The following NDUFA13 variants were observed in gnomAD, a reference collection of about 807,000 sequenced individuals.
The protein encoded by NDUFA13 is NADH dehydrogenase [ubiquinone] 1 alpha subcomplex subunit 13.
NDUFA13 carries 16 observed loss-of-function variants against 17.0 expected under a neutral mutation model. The observed-to-expected ratio is 0.94, with a 90% CI of 0.64 to 1.43. The LOEUF (loss-of-function observed/expected upper bound fraction) is 1.43, where lower values mean the gene tolerates loss of function less well. Ranked by LOEUF, NDUFA13 falls within the 40% of genes most tolerant of loss-of-function variation. The pLI, the probability that NDUFA13 is intolerant of heterozygous loss-of-function variation, is 0.00. For synonymous variants in NDUFA13, 87 were observed against 78.4 expected (o/e 1.11, Z -0.58); for missense variants, 228 against 206.7 (o/e 1.10, Z -0.63).
intron 1 of NDUFA13, among the ~76,000 whole-genome samples, chr19:19,521,829 C>G (rs2061079448): frequency 6.6e-6 from 1 of 151,004 alleles, no homozygotes; most frequent in Non-Finnish European, 1.5e-5. Context: ...GTCTCGATCT[C>G]CTGACCTCGT....
In NDUFA13 at chr19:19,519,401, G is replaced by GC. The variant is rs558258921; in HGVS notation, c.94+3076dup. ...TCTCCCAGTTCACCACAGAGCAGTG[G>GC]CCCCCCCTGTGCCAGACAGTGCCCT... On this transcript the variant is annotated intron_variant, in intron 1 of 4. Coordinates refer to ENST00000507754, the MANE Select transcript of NDUFA13 (RefSeq NM_015965.7). Among the ~76,000 whole-genome samples the GC allele has an allele frequency of 1.3e-3, 201 of 152,106 alleles. 1 individual carries two copies. The highest frequency in any genetic ancestry group is 0.013 in the South Asian group (61 of 4,802).
chr19:19,525,891 C>T (rs2061097405), intron 1 of NDUFA13: 5 of 668,644 alleles, frequency 7.5e-6, no homozygotes, highest in South Asian at 1.9e-5. Flanking sequence ...CAGAACTGCC[C>T]TTCCACTTCA....
rs191913824 is a variant in NDUFA13, at chr19:19,519,925, C to T, written c.94+3593C>T. On this transcript the variant is annotated intron_variant, in intron 1 of 4. Transcript: ENST00000507754. ...CCTGGGTCAGCCATTCACTCACTGC[C>T]AGCGTCCCAGGACATGATGGGCTGG... is the stretch of plus-strand genomic sequence containing the variant. Among the ~76,000 whole-genome samples the T allele has an allele frequency of 2.6e-5, 4 of 152,164 alleles. No homozygotes were observed. The East Asian group carries it at 7.7e-4, about 29-fold the overall frequency.
Position 19,519,998 on chromosome 19 carries a change from A to G in NDUFA13, c.94+3666A>G, listed in dbSNP as rs1235692020. Reference sequence around the variant, plus strand: ...TTTTTTTTTTTTTTTTTTTTGAGACAGAGTCTTGTTCTGTCACTCAGGCTG... The same window carrying G: ...TTTTTTTTTTTTTTTTTTTTGAGACGGAGTCTTGTTCTGTCACTCAGGCTG... On this transcript the variant is annotated intron_variant, in intron 1 of 4. Transcript: ENST00000507754. Among the ~76,000 whole-genome samples the G allele has an allele frequency of 4.6e-5, 6 of 130,188 alleles. No individual in the cohort carries two copies. In the East Asian group the frequency reaches 1.4e-3, roughly 30 times the overall value. 85.4% of individuals were successfully genotyped at this position (130,188 alleles called of 152,430 possible). A position where few individuals can be genotyped will look rare whatever the true frequency, so the allele number is the denominator to read the frequency against.
At chr19:19,518,015 G>A (rs1297860621) in intron 1 of NDUFA13, among the ~76,000 whole-genome samples, 1 of 151,528 alleles carries the variant, frequency 6.6e-6, no homozygotes, top group Non-Finnish European at 1.5e-5. Context: ...GGTGGCTCAT[G>A]CCTGTAATCC....
chr19:19,520,212 C>T (rs944970541), intron 1 of NDUFA13, among the ~76,000 whole-genome samples: 4 of 152,118 alleles, frequency 2.6e-5, no homozygotes, highest in African/African-American at 7.2e-5. Context: ...CTATCTCCCA[C>T]ACCCAGTTCT....
At chr19:19,522,711 C>G (rs1252454494) in intron 1 of NDUFA13, among the ~76,000 whole-genome samples, 1 of 152,094 alleles carries the variant, frequency 6.6e-6, no homozygotes. Flanking sequence ...ATCTCCTGAC[C>G]TCGTGATCCG....
intron 1 of NDUFA13, among the ~76,000 whole-genome samples, chr19:19,524,239 T>C (rs2061090802): frequency 6.6e-6 from 1 of 152,256 alleles, no homozygotes; most frequent in Non-Finnish European, 1.5e-5. Context: ...CCCCTGTGGT[T>C]GGCGAGGAGG....
At position 19,526,278 on chromosome 19, in the gene NDUFA13, CGT is replaced by C. The variant is rs753526408; in HGVS notation, c.173+19_173+20del. The C allele has an allele frequency of 6.2e-7, 1 of 1,613,504 alleles. No homozygotes were observed. The highest frequency in any genetic ancestry group is 8.5e-7 in the Non-Finnish European group (1 of 1,179,706). ...GAGCGCAGGTAGGGCCCCTGGTGGG[CGT>C]TGTCTGAAAGTGCCCCCCCGGCGAG... On this transcript the variant is annotated intron_variant, in intron 2 of 4. Transcript: ENST00000507754.
chr19:19,521,845 G>A (rs1037490481), intron 1 of NDUFA13, among the ~76,000 whole-genome samples: 7 of 149,930 alleles, frequency 4.7e-5, no homozygotes, highest in Admixed American at 3.3e-4. Context: ...CTCGTGATCC[G>A]CCCGCCTCGG....
intron 2 of NDUFA13, 88 bp downstream of exon 2, chr19:19,526,348 A>T (rs1280360063): frequency 1.4e-6 from 2 of 1,455,588 alleles, no homozygotes; most frequent in African/African-American, 2.8e-5. Flanking sequence ...TGTGCTGGCG[A>T]GGGGTGAACG....
Position 19,516,264 on chromosome 19 carries a change from A to G in NDUFA13, c.26A>G (p.Asp9Gly), listed in dbSNP as rs776290429. ...ATGGCGGCGTCAAAGGTGAAGCAGG[A>G]CATGCCTCCGCCGGGGGGCTATGGG... The part of the protein sequence containing the change: MAASKVKQ[D>G]MPPPGGYGPI... Residue 9 changes from aspartate to glycine, a missense_variant, in exon 1 of 5, where the codon GAC (aspartate) becomes GGC (glycine). Asp to Gly is a moderately conservative substitution (Grantham distance 94). Coordinates refer to ENST00000507754, the MANE Select transcript of NDUFA13 (RefSeq NM_015965.7). 3.1e-6 allele frequency: 5 copies of G among 1,613,878 alleles called. No individual in the cohort carries two copies. Among genetic ancestry groups the G allele is most frequent in the South Asian group, 1.1e-5 (1 of 91,094 alleles).
chr19:19,523,222 T>C (rs892218223), intron 1 of NDUFA13, among the ~76,000 whole-genome samples: 1 of 152,248 alleles, frequency 6.6e-6, no homozygotes, highest in Non-Finnish European at 1.5e-5. Flanking sequence ...TTGCACAGCG[T>C]TGCCATCTGC....
intron 1 of NDUFA13, among the ~76,000 whole-genome samples, chr19:19,516,904 C>G (rs761585958): frequency 6.6e-6 from 1 of 152,168 alleles, no homozygotes; most frequent in South Asian, 2.1e-4. Flanking sequence ...TCTCTTGCCT[C>G]AGCCTCCTGA....
chr19:19,527,187 C>T, intron 2 of NDUFA13, 94 bp from the exon 3 acceptor site: 3 of 903,572 alleles, frequency 3.3e-6, no homozygotes, highest in South Asian at 2.7e-5. Flanking sequence ...TCCGCCTCTT[C>T]CCCCAGCAGC....
intron 1 of NDUFA13, among the ~76,000 whole-genome samples, chr19:19,524,111 C>G (rs752030524): frequency 6.6e-6 from 1 of 152,150 alleles, no homozygotes; most frequent in Non-Finnish European, 1.5e-5. Context: ...GAGGCCCGGT[C>G]TCCAAAACCA....
intron 3 of NDUFA13, 87 bp from the exon 4 acceptor site, chr19:19,527,614 G>A: frequency 8.9e-7 from 1 of 1,121,130 alleles, no homozygotes. Flanking sequence ...GTCGGAGGGA[G>A]GCTTGAAGGG....
chr19:19,519,888 C>T (rs1396290130), intron 1 of NDUFA13, among the ~76,000 whole-genome samples: 1 of 152,216 alleles, frequency 6.6e-6, no homozygotes, highest in African/African-American at 2.4e-5. Flanking sequence ...GGCACCCACT[C>T]CCTTCTGTCT....
intron 2 of NDUFA13, 176 bp downstream of exon 2, chr19:19,526,436 T>C: frequency 1.4e-6 from 1 of 703,602 alleles, no homozygotes; most frequent in Non-Finnish European, 2.5e-6. Context: ...TTCTAGGCTC[T>C]GTCCTCGAGA....
Sources: allele counts gnomAD v4.1 joint callset (sites outside exome capture counted in the v4.1 genomes callset), GRCh38; gene constraint gnomAD v4.1.1; transcripts MANE v1.5; gene names NCBI Gene and HGNC (gene_info 2026-07-23, HGNC 2026-07-21).